The following RPN1 variants were observed in gnomAD, a reference collection of about 807,000 sequenced individuals.
RPN1 encodes the protein dolichyl-diphosphooligosaccharide--protein glycosyltransferase subunit 1.
In RPN1, 12 loss-of-function variants were observed where a neutral mutation model predicts 55.5. The observed-to-expected ratio is 0.22, with a 90% CI of 0.14 to 0.35. The LOEUF (loss-of-function observed/expected upper bound fraction) is 0.35. Ranked by LOEUF, RPN1 falls within the 10% of genes least tolerant of loss-of-function variation. The pLI is 1.00. For missense variants in RPN1, 679 were observed against 761.3 expected (o/e 0.89, Z 1.27); for synonymous variants, 317 against 305.9 (o/e 1.04, Z -0.38).
At chr3:128,629,028 G>A (rs1199234850) in intron 5 of RPN1, among the ~76,000 whole-genome samples, 2 of 152,164 alleles carry the variant, frequency 1.3e-5, no homozygotes, top group Non-Finnish European at 2.9e-5. Flanking sequence ...GGTATAGTAT[G>A]TAGAGATATA....
rs147695421 is a variant in RPN1, at chr3:128,630,161, T to G, written c.844-18A>C. The stretch of plus-strand genomic sequence containing the variant: ...AGGATGGTCTGCAAGAGAGTGGATA[T>G]GCCCTTCTAAAACTCCAGGAACCAG... On this transcript the variant is annotated intron_variant, in intron 4 of 9. Coordinates refer to ENST00000296255, the MANE Select transcript of RPN1 (RefSeq NM_002950.4). 8.3e-5 allele frequency: 131 copies of G among 1,583,134 alleles called. 2 individuals are homozygous for G. The East Asian group carries it at 2.9e-3, about 36-fold the overall frequency.
rs760997520 is a variant in RPN1 at position 128,632,098 on chromosome 3, G to C, written c.693C>G (p.Thr231=). The C allele has an allele frequency of 6.2e-7, 1 of 1,614,148 alleles. No individual in the cohort carries two copies. The highest frequency in any genetic ancestry group is 8.5e-7 in the Non-Finnish European group (1 of 1,180,040). Residue 231 remains threonine (T), a synonymous_variant, in exon 4 of 10, where the codon ACC becomes ACG. Transcript: ENST00000296255. ...CCCAGTGAGAGACTTCAATGACTCGGGTCATGCTGGTGATGGTCAGGAAAG... is the reference window on the plus strand; with the variant it reads ...CCCAGTGAGAGACTTCAATGACTCGCGTCATGCTGGTGATGGTCAGGAAAG... ...NSPFLTITSM[T]RVIEVSHWGN...
chr3:128,625,774 A>G, intron 7 of RPN1, 100 bp downstream of exon 7: 1 of 1,564,472 alleles, frequency 6.4e-7, no homozygotes, highest in Non-Finnish European at 8.7e-7. Context: ...CATGAGCTCA[A>G]ATGACTCCAG....
At position 128,620,332 on chromosome 3, in the gene RPN1, C is replaced by A; in HGVS notation, c.*79G>T. ...GTCAGCTTTCACTGGCCTCCATGCA[C>A]AACCTCCCACTACCACCCAATCTGC... On this transcript the variant is annotated 3_prime_UTR_variant, in exon 10 of 10. Transcript: ENST00000296255. 6 of 1,400,592 alleles carry A rather than the reference C, an allele frequency of 4.3e-6. No individual in the cohort carries two copies. Among genetic ancestry groups the A allele is most frequent in the Non-Finnish European group, 5.8e-6 (6 of 1,030,812 alleles). The allele number at this position is 1,400,592 out of a possible 1,614,324, so 86.8% of individuals were successfully genotyped here.
Position 128,621,000 on chromosome 3 carries a change from C to T in RPN1, c.1642-407G>A, listed in dbSNP as rs530636207. On this transcript the variant is annotated intron_variant, in intron 9 of 9. Coordinates refer to ENST00000296255, the MANE Select transcript of RPN1 (RefSeq NM_002950.4). Reference sequence around the variant, plus strand: ...ATTCAATTAGGCAAAAGATCAATGGCAAGGGAAGGGGGGGTGACAGGCATT... The same window carrying T: ...ATTCAATTAGGCAAAAGATCAATGGTAAGGGAAGGGGGGGTGACAGGCATT... 2.5e-3 allele frequency among the ~76,000 whole-genome samples: 375 copies of T among 152,234 alleles called. 3 individuals are homozygous for T. The highest frequency in any genetic ancestry group is 8.6e-3 in the African/African-American group (358 of 41,548).
chr3:128,626,704 G>A (rs750909096), intron 6 of RPN1, 29 bp downstream of exon 6: 2 of 1,594,670 alleles, frequency 1.3e-6, no homozygotes, highest in Admixed American at 1.7e-5. Context: ...GAGAAATCGG[G>A]TGCAAAGGAG....
chr3:128,644,164 C>A (rs188276552), intron 2 of RPN1, among the ~76,000 whole-genome samples: 1 of 152,172 alleles, frequency 6.6e-6, no homozygotes, highest in South Asian at 2.1e-4. Flanking sequence ...CTGAGGCAAA[C>A]AGCTTGGAGT....
In RPN1 at chr3:128,650,755, T is replaced by C. The variant is rs778452718; in HGVS notation, c.46A>G (p.Thr16Ala). 3 of 1,549,422 alleles carry C rather than the reference T, an allele frequency of 1.9e-6. No homozygotes were observed. The highest frequency in any genetic ancestry group is 2.6e-6 in the Non-Finnish European group (3 of 1,146,494). Residue 16 changes from threonine (T) to alanine (A), a missense_variant, in exon 1 of 10, where the codon ACT (threonine) becomes GCT (alanine). By Grantham distance (58) the Thr-to-Ala change is moderately conservative. Around this residue, in one of 3 missense-constraint regions of RPN1, gnomAD observed 352 missense variants for 352.8 expected, o/e 1.00. Coordinates refer to ENST00000296255, the MANE Select transcript of RPN1 (RefSeq NM_002950.4). ...GCGCTGCCCGGCGCCGGGGCCCAAG[T>C]CCCAAGCAACAGGAGCAGAAACAAG... ...AGLFLLLLLG[T>A]WAPAPGSASS...
At chr3:128,639,904 G>T (rs895717805) in intron 2 of RPN1, among the ~76,000 whole-genome samples, 8 of 152,178 alleles carry the variant, frequency 5.3e-5, no homozygotes, top group Middle Eastern at 3.4e-3. Flanking sequence ...GTCTTATAAG[G>T]AGCTTGTATC....
chr3:128,622,977 T>C (rs1161971824), intron 8 of RPN1, among the ~76,000 whole-genome samples: 1 of 151,894 alleles, frequency 6.6e-6, no homozygotes, highest in Non-Finnish European at 1.5e-5. Flanking sequence ...ACAAGGATGA[T>C]AATGTCAGTG....
At position 128,650,641 on chromosome 3, in the gene RPN1, C is replaced by T; in HGVS notation, c.160G>A (p.Val54Ile). ...GAGCCGCCGCCCAGGTGCGCCAGGACCACCTCGGCCGTCACCTTAGCCAGG... is the reference window on the plus strand; with the variant it reads ...GAGCCGCCGCCCAGGTGCGCCAGGATCACCTCGGCCGTCACCTTAGCCAGG... ...SHLAKVTAEV[V>I]LAHLGGGSTS... The change falls in exon 1 of 10, where the codon GTC becomes ATC. Residue 54 changes from valine (V) to isoleucine (I), a missense_variant. Around this residue, in one of 3 missense-constraint regions of RPN1, gnomAD observed 352 missense variants for 352.8 expected, o/e 1.00. Transcript: ENST00000296255. The T allele has an allele frequency of 6.4e-7, 1 of 1,557,920 alleles. No homozygotes were observed. The highest frequency in any genetic ancestry group is 8.7e-7 in the Non-Finnish European group (1 of 1,150,802).
At chr3:128,641,312 T>G (rs904645121) in intron 2 of RPN1, among the ~76,000 whole-genome samples, 1 of 152,176 alleles carries the variant, frequency 6.6e-6, no homozygotes, top group Non-Finnish European at 1.5e-5. Context: ...AAAAAAATTT[T>G]TTAATGTTCC....
Position 128,650,552 on chromosome 3 carries a change from G to A in RPN1, c.249C>T (p.His83=). The A allele has an allele frequency of 3.9e-6, 6 of 1,542,288 alleles. No homozygotes were observed. Among genetic ancestry groups the A allele is most frequent in the Non-Finnish European group, 5.2e-6 (6 of 1,145,004 alleles). Reference sequence around the variant, plus strand: ...CGCCCACACTCACCTGCACGCCCAGGTGCGCCAGCCGGGCCTCGAGCTCAG... The same window carrying A: ...CGCCCACACTCACCTGCACGCCCAGATGCGCCAGCCGGGCCTCGAGCTCAG... ...LEPELEARLA[H]LGVQVKGEDE... Residue 83 remains histidine (H), a synonymous_variant, in exon 1 of 10, where the codon CAC becomes CAT. Coordinates refer to ENST00000296255, the MANE Select transcript of RPN1 (RefSeq NM_002950.4).
At chr3:128,631,435 G>A (rs1020794235) in intron 4 of RPN1, among the ~76,000 whole-genome samples, 4 of 150,908 alleles carry the variant, frequency 2.7e-5, no homozygotes, top group Non-Finnish European at 4.4e-5. Context: ...CCGAGATCGC[G>A]CCATTGCCCT....
Position 128,637,823 on chromosome 3 carries a change from G to A in RPN1, c.609C>T (p.Phe203=), listed in dbSNP as rs115466774. ...RSEDLLDYGP[F]RDVPAYSQDT... The stretch of plus-strand genomic sequence containing the variant: ...CCTGACTATAGGCAGGCACATCTCT[G>A]AAAGGCCCATAATCCAGTAGGTCCT... The change falls in exon 3 of 10, where the codon TTC becomes TTT. Residue 203 remains phenylalanine, a synonymous_variant. Coordinates refer to ENST00000296255, the MANE Select transcript of RPN1 (RefSeq NM_002950.4). The A allele has an allele frequency of 6.2e-7, 1 of 1,612,792 alleles. No individual in the cohort carries two copies. The highest frequency in any genetic ancestry group is 8.5e-7 in the Non-Finnish European group (1 of 1,179,820).
intron 1 of RPN1, among the ~76,000 whole-genome samples, chr3:128,648,358 G>A (rs758400604): frequency 6.6e-6 from 1 of 151,870 alleles, no homozygotes; most frequent in Non-Finnish European, 1.5e-5. Flanking sequence ...TTGCACCACC[G>A]CACTCCAGCC....
intron 2 of RPN1, among the ~76,000 whole-genome samples, chr3:128,640,745 G>C (rs1420311563): frequency 6.6e-6 from 1 of 152,052 alleles, no homozygotes; most frequent in Non-Finnish European, 1.5e-5. Context: ...TCCTGCCTCA[G>C]AAATTCCTCT....
intron 8 of RPN1, among the ~76,000 whole-genome samples, chr3:128,624,041 C>T (rs953139758): frequency 2.6e-5 from 4 of 151,936 alleles, no homozygotes; most frequent in Non-Finnish European, 4.4e-5. Flanking sequence ...CTCGAGCCCC[C>T]GCCCCCCCGC....
At chr3:128,627,081 G>A (rs1011783993) in intron 5 of RPN1, 34 of 467,998 alleles carry the variant, frequency 7.3e-5, no homozygotes, top group African/African-American at 5.7e-4. Flanking sequence ...GAAGGAGAAC[G>A]CAGAGAGAAG....
Sources: gnomAD v4.1 joint callset for allele counts (sites outside exome capture counted in the v4.1 genomes callset) on GRCh38, gnomAD v4.1.1 for gene constraint, gnomAD v4.1.1 regional missense constraint, MANE v1.5 for transcripts, NCBI Gene and HGNC (gene_info 2026-07-23, HGNC 2026-07-21) for gene names.